Variants in CDK17 observed in about 807,000 individuals in gnomAD.
The protein encoded by CDK17 is cyclin-dependent kinase 17.
CDK17 carries 24 observed loss-of-function variants against 77.6 expected under a neutral mutation model. That is an observed-to-expected ratio of 0.31 (90% CI 0.22 to 0.44). CDK17 has a LOEUF of 0.44. Ranked by LOEUF, CDK17 falls within the 20% of genes least tolerant of loss-of-function variation. The pLI is 1.00. For synonymous variants in CDK17, 203 were observed against 210.4 expected (o/e 0.96, Z 0.30); for missense variants, 429 against 622.5 (o/e 0.69, Z 3.31).
At chr12:96,336,388 C>T (rs1953041229) in intron 1 of CDK17, among the ~76,000 whole-genome samples, 1 of 152,208 alleles carries the variant, frequency 6.6e-6, no homozygotes, top group Admixed American at 6.5e-5. Context: ...CACTTTGAGC[C>T]CATGAATTTG....
At chr12:96,329,262 G>A (rs1448414745) in intron 2 of CDK17, among the ~76,000 whole-genome samples, 5 of 152,050 alleles carry the variant, frequency 3.3e-5, no homozygotes, top group Non-Finnish European at 5.9e-5. Context: ...TAATGCTGCT[G>A]AACTGTATAC....
chr12:96,332,821 T>C (rs1952990919), intron 2 of CDK17, among the ~76,000 whole-genome samples: 1 of 152,176 alleles, frequency 6.6e-6, no homozygotes, highest in South Asian at 2.1e-4. Context: ...AAAAAACATA[T>C]ACAACTTGAG....
At chr12:96,377,740 C>T (rs1309081454) in intron 1 of CDK17, among the ~76,000 whole-genome samples, 1 of 141,250 alleles carries the variant, frequency 7.1e-6, no homozygotes, top group Non-Finnish European at 1.5e-5. Context: ...GTCGCCCAGG[C>T]TGGAGTGCAG....
chr12:96,391,270 G>T (rs527869408), intron 1 of CDK17, among the ~76,000 whole-genome samples: 3 of 148,880 alleles, frequency 2.0e-5, no homozygotes, highest in Admixed American at 6.8e-5. Flanking sequence ...GGGGCGGGGG[G>T]TTGTTTTGTT....
intron 1 of CDK17, among the ~76,000 whole-genome samples, chr12:96,370,889 A>G (rs4762147): frequency 1 from 152,165 of 152,258 alleles, 76,036 homozygotes; most frequent in Middle Eastern, 1. Flanking sequence ...TTTTCGTATC[A>G]TTTCTGAAAC....
intron 2 of CDK17, among the ~76,000 whole-genome samples, chr12:96,334,409 G>C (rs1953012759): frequency 6.6e-6 from 1 of 152,046 alleles, no homozygotes; most frequent in Non-Finnish European, 1.5e-5. Flanking sequence ...AAAATTAATA[G>C]TTATTTAACA....
At chr12:96,399,367 G>A (rs1209231062) in intron 1 of CDK17, 1 of 152,304 alleles carries the variant, frequency 6.6e-6, no homozygotes, top group Non-Finnish European at 1.5e-5. Context: ...CCAACACTCC[G>A]GGGTGTGACC....
At chr12:96,377,660 C>T (rs1953802243) in intron 1 of CDK17, among the ~76,000 whole-genome samples, 1 of 150,366 alleles carries the variant, frequency 6.7e-6, no homozygotes, top group South Asian at 2.1e-4. Context: ...GGCAATCTGG[C>T]AGCATCAGAA....
At chr12:96,324,385 C>T (rs562662611) in intron 2 of CDK17, among the ~76,000 whole-genome samples, 113 of 152,264 alleles carry the variant, frequency 7.4e-4, no homozygotes, top group African/African-American at 2.6e-3. Flanking sequence ...ATATACCCAA[C>T]CAAATTTTCA....
chr12:96,299,667 G>A (rs1226173046), intron 6 of CDK17, among the ~76,000 whole-genome samples: 1 of 152,184 alleles, frequency 6.6e-6, no homozygotes, highest in Non-Finnish European at 1.5e-5. Flanking sequence ...GGGATTACAG[G>A]CGTGAGCCAC....
chr12:96,360,591 T>C (rs892699355), intron 1 of CDK17, among the ~76,000 whole-genome samples: 4 of 152,168 alleles, frequency 2.6e-5, no homozygotes, highest in Non-Finnish European at 2.9e-5. Flanking sequence ...TCACCTAGTT[T>C]ATATGAATCC....
intron 2 of CDK17, among the ~76,000 whole-genome samples, chr12:96,332,104 A>T (rs963693016): frequency 1.3e-4 from 20 of 152,308 alleles, no homozygotes; most frequent in African/African-American, 4.8e-4. Flanking sequence ...ATACACAAAC[A>T]ACATTGTGTT....
Position 96,324,126 on chromosome 12 carries a change from A to C in CDK17, c.119-14T>G, listed in dbSNP as rs367546731. On this transcript the variant is annotated splice_polypyrimidine_tract_variant and intron_variant, in intron 2 of 16. Coordinates refer to ENST00000261211, the MANE Select transcript of CDK17 (RefSeq NM_002595.5). ...TCACAATAGGCTCTGTGGTTCATAG[A>C]ATTCGAAAATCATTCCATCATCAGT... 3.8e-6 allele frequency: 6 copies of C among 1,580,784 alleles called. No individual in the cohort carries two copies. The highest frequency in any genetic ancestry group is 5.1e-6 in the Non-Finnish European group (6 of 1,165,478).
intron 1 of CDK17, among the ~76,000 whole-genome samples, chr12:96,367,662 G>A (rs1953609767): frequency 6.6e-6 from 1 of 151,950 alleles, no homozygotes; most frequent in African/African-American, 2.4e-5. Flanking sequence ...TACCTATCCT[G>A]GCATGTGAGT....
chr12:96,393,354 CAAAAAAAAAAA>C (rs10633197), intron 1 of CDK17, among the ~76,000 whole-genome samples: 6 of 43,346 alleles, frequency 1.4e-4, no homozygotes, highest in Non-Finnish European at 2.1e-4. Context: ...GGCTCCGCCT[CAAAAAAAAAAA>C]AAAAAAAAAA....
At chr12:96,379,291 C>T (rs1953836669) in intron 1 of CDK17, among the ~76,000 whole-genome samples, 2 of 151,956 alleles carry the variant, frequency 1.3e-5, no homozygotes, top group African/African-American at 4.8e-5. Context: ...TTATGATCAC[C>T]TATATTAGCA....
chr12:96,310,041 A>G (rs1592718957), intron 5 of CDK17, among the ~76,000 whole-genome samples: 1 of 152,230 alleles, frequency 6.6e-6, no homozygotes, highest in East Asian at 1.9e-4. Flanking sequence ...TGATAGAAGC[A>G]TTATTTGGTA....
intron 1 of CDK17, among the ~76,000 whole-genome samples, chr12:96,375,510 CTTTTTTTTTTTTT>C (rs34451499): frequency 3.0e-5 from 3 of 101,590 alleles, no homozygotes; most frequent in Non-Finnish European, 5.8e-5. Flanking sequence ...TGATCCTAAC[CTTTTTTTTTTTTT>C]TTTTTTTTGA....
intron 5 of CDK17, among the ~76,000 whole-genome samples, chr12:96,304,736 A>T: frequency 6.6e-6 from 1 of 152,182 alleles, no homozygotes; most frequent in East Asian, 1.9e-4. Context: ...TCATCACCAC[A>T]ATACCACCTT....
Sources: allele counts gnomAD v4.1 joint callset (sites outside exome capture counted in the v4.1 genomes callset), GRCh38; gene constraint gnomAD v4.1.1; transcripts MANE v1.5; gene names NCBI Gene and HGNC (gene_info 2026-07-23, HGNC 2026-07-21).